PITPNM3: variants seen among roughly 807,000 people sequenced by gnomAD.
PITPNM3 encodes the protein PITPNM family member 3, also known as membrane-associated phosphatidylinositol transfer protein 3.
Under a neutral mutation model 102.0 loss-of-function variants are expected in PITPNM3, and 26 were observed. The observed-to-expected ratio is 0.25, with a 90% CI of 0.19 to 0.35. The LOEUF (loss-of-function observed/expected upper bound fraction) is 0.35. Among genes scored for constraint, PITPNM3 ranks in the 10% least tolerant of loss-of-function variants. The pLI, the probability that PITPNM3 is intolerant of heterozygous loss-of-function variation, is 1.00. For missense variants in PITPNM3, 1,083 were observed against 1,346.1 expected, an observed-to-expected ratio of 0.80 and a Z score of 3.06; for synonymous variants, 578 against 558.6, an observed-to-expected ratio of 1.03 and a Z score of -0.49.
chr17:6,465,550 G>A (rs1327342401), intron 14 of PITPNM3, among the ~76,000 whole-genome samples: 2 of 152,166 alleles, frequency 1.3e-5, no homozygotes, highest in Non-Finnish European at 2.9e-5. Context: ...AGAGAAGAGT[G>A]TAACAAAGCC....
intron 6 of PITPNM3, chr17:6,481,792 CAGAT>C (rs1350471154): frequency 2.6e-5 from 3 of 115,880 alleles, no homozygotes; most frequent in Admixed American, 8.4e-5. Flanking sequence ...AATGGATGGA[CAGAT>C]GGATGGATGG....
intron 1 of PITPNM3, among the ~76,000 whole-genome samples, chr17:6,553,050 A>G (rs946714463): frequency 6.7e-6 from 1 of 149,414 alleles, no homozygotes; most frequent in African/African-American, 2.5e-5. Context: ...GATTACAGGC[A>G]CGAACCACCG....
intron 3 of PITPNM3, among the ~76,000 whole-genome samples, chr17:6,507,822 A>AG (rs1907624937): frequency 6.6e-6 from 1 of 152,144 alleles, no homozygotes; most frequent in South Asian, 2.1e-4. Flanking sequence ...CCAAGTCCAT[A>AG]GTCGGTACTC....
intron 1 of PITPNM3, among the ~76,000 whole-genome samples, chr17:6,544,775 C>T (rs978485430): frequency 3.3e-5 from 5 of 151,954 alleles, no homozygotes; most frequent in African/African-American, 7.3e-5. Flanking sequence ...ATAATCAGGC[C>T]TTGGGATGTC....
intron 1 of PITPNM3, among the ~76,000 whole-genome samples, chr17:6,538,830 C>T (rs1187482006): frequency 6.6e-6 from 1 of 152,244 alleles, no homozygotes; most frequent in East Asian, 1.9e-4. Flanking sequence ...AAGCATGGGG[C>T]GGGGGGTGGA....
chr17:6,467,906 C>T (rs993777543), intron 14 of PITPNM3, among the ~76,000 whole-genome samples: 2 of 152,228 alleles, frequency 1.3e-5, no homozygotes, highest in Non-Finnish European at 2.9e-5. Context: ...AGATCCAGGA[C>T]TCTTTCTGAT....
At chr17:6,497,471 G>A (rs563143559) in intron 4 of PITPNM3, among the ~76,000 whole-genome samples, 168 of 152,324 alleles carry the variant, frequency 1.1e-3, no homozygotes, top group African/African-American at 3.9e-3. Flanking sequence ...ATAAATTGGG[G>A]CTCAGTTGGT....
rs1567658805 is a variant in PITPNM3, at chr17:6,460,444, G to T, written c.2490+929C>A. 3 of 152,342 alleles carry T rather than the reference G, an allele frequency of 2.0e-5. 1 individual carries two copies. In the East Asian group the frequency reaches 5.8e-4, roughly 29 times the overall value. 9.4% of individuals were successfully genotyped at this position (152,342 alleles called of 1,614,324 possible). A position where few individuals can be genotyped will look rare whatever the true frequency, so the allele number is the denominator to read the frequency against. On this transcript the variant is annotated intron_variant, in intron 18 of 19. Coordinates refer to ENST00000262483, the MANE Select transcript of PITPNM3 (RefSeq NM_031220.4). ...CCTTCCTCCTCTAGATCAGGGATTT[G>T]CAGACTTTTTCTTTGAAAGGCCAGA...
At chr17:6,488,922 G>A (rs1906260720) in intron 4 of PITPNM3, among the ~76,000 whole-genome samples, 1 of 152,204 alleles carries the variant, frequency 6.6e-6, no homozygotes, top group Non-Finnish European at 1.5e-5. Context: ...AGCTGTTTTT[G>A]TGACAGTGTT....
chr17:6,536,023 C>G (rs554053584), intron 2 of PITPNM3, among the ~76,000 whole-genome samples: 1 of 150,158 alleles, frequency 6.7e-6, no homozygotes, highest in South Asian at 2.1e-4. Flanking sequence ...AAGATCGCTC[C>G]GTTGCACCGC....
chr17:6,544,406 C>A (rs1461056524), intron 1 of PITPNM3, among the ~76,000 whole-genome samples: 1 of 152,110 alleles, frequency 6.6e-6, no homozygotes, highest in Non-Finnish European at 1.5e-5. Flanking sequence ...GTAGCATGTG[C>A]CTATAGTCCC....
chr17:6,507,594 C>T (rs890674181), intron 3 of PITPNM3, among the ~76,000 whole-genome samples: 4 of 147,356 alleles, frequency 2.7e-5, no homozygotes, highest in African/African-American at 9.9e-5. Flanking sequence ...AAAAAAAAAA[C>T]AAAACACAAA....
intron 4 of PITPNM3, among the ~76,000 whole-genome samples, chr17:6,491,932 TA>T (rs1906516823): frequency 2.7e-5 from 4 of 150,618 alleles, no homozygotes; most frequent in East Asian, 1.9e-4. Flanking sequence ...TATATATATA[TA>T]TATATTTTAC....
At chr17:6,514,761 A>G (rs1908059823) in intron 3 of PITPNM3, among the ~76,000 whole-genome samples, 1 of 152,268 alleles carries the variant, frequency 6.6e-6, no homozygotes, top group African/African-American at 2.4e-5. Context: ...GTATATCAGC[A>G]AGATAATTGA....
intron 3 of PITPNM3, among the ~76,000 whole-genome samples, chr17:6,506,381 T>C (rs371037375): frequency 1.9e-4 from 2 of 10,258 alleles, no homozygotes; most frequent in East Asian, 1.6e-3. Flanking sequence ...CTTTCTCTCT[T>C]TTTTTTTTTT....
intron 4 of PITPNM3, among the ~76,000 whole-genome samples, chr17:6,487,414 C>T (rs1020322569): frequency 6.6e-6 from 1 of 152,092 alleles, no homozygotes; most frequent in Non-Finnish European, 1.5e-5. Flanking sequence ...CAGGGGACAT[C>T]CAGGGCACAG....
chr17:6,493,267 C>T (rs1320717126), intron 4 of PITPNM3, among the ~76,000 whole-genome samples: 1 of 152,172 alleles, frequency 6.6e-6, no homozygotes, highest in African/African-American at 2.4e-5. Flanking sequence ...GCAGCTCAGG[C>T]CCTGCTGAGG....
chr17:6,461,675 C>T, intron 17 of PITPNM3, 119 bp from the exon 18 acceptor site: 2 of 1,196,690 alleles, frequency 1.7e-6, no homozygotes, highest in Non-Finnish European at 1.2e-6. Context: ...CTGAGGCGTG[C>T]TAGGGAGAAC....
intron 2 of PITPNM3, among the ~76,000 whole-genome samples, chr17:6,533,881 G>A (rs1253006636): frequency 2.6e-5 from 4 of 152,198 alleles, no homozygotes; most frequent in Non-Finnish European, 5.9e-5. Flanking sequence ...ACCCAGAAGA[G>A]CACCTGGCAC....
Sources: allele counts gnomAD v4.1 joint callset (sites outside exome capture counted in the v4.1 genomes callset), GRCh38; gene constraint gnomAD v4.1.1; transcripts MANE v1.5; gene names NCBI Gene and HGNC (gene_info 2026-07-23, HGNC 2026-07-21).